The following ARHGEF10 variants were observed in gnomAD, a reference collection of about 807,000 sequenced individuals.
ARHGEF10 encodes the protein Rho guanine nucleotide exchange factor (GEF) 10.
Under a neutral mutation model 147.4 loss-of-function variants are expected in ARHGEF10, and 140 were observed. That is an observed-to-expected ratio of 0.95 (90% confidence interval 0.83 to 1.09). The LOEUF (loss-of-function observed/expected upper bound fraction) is 1.09, where lower values mean the gene tolerates loss of function less well. Ranked by LOEUF, ARHGEF10 falls within the 50% of genes least tolerant of loss-of-function variation. The pLI is 0.00. For missense variants in ARHGEF10, 2,222 were observed against 1,752.7 expected, an observed-to-expected ratio of 1.27 and a Z score of -4.78; for synonymous variants, 902 against 695.8, an observed-to-expected ratio of 1.30 and a Z score of -4.67.
chr8:1,917,758 T>G (rs1204048661), intron 18 of ARHGEF10, among the ~76,000 whole-genome samples: 6 of 152,076 alleles, frequency 3.9e-5, no homozygotes, highest in Non-Finnish European at 7.4e-5. Context: ...TGCAGGTGTT[T>G]CTTTCTTTTT....
intron 1 of ARHGEF10, among the ~76,000 whole-genome samples, chr8:1,825,496 T>TC (rs1393474030): frequency 1.5e-5 from 2 of 135,906 alleles, no homozygotes; most frequent in East Asian, 2.3e-4. Flanking sequence ...ACCCCAGCTG[T>TC]CCCCCCCGTA....
In ARHGEF10 at chr8:1,937,497, G is replaced by A. The variant is rs763180831; in HGVS notation, c.3222+3555G>A. Among the ~76,000 whole-genome samples, 3 of 152,208 alleles carry A rather than the reference G, an allele frequency of 2.0e-5. No homozygotes were observed. The highest frequency in any genetic ancestry group is 2.4e-5 in the African/African-American group (1 of 41,460). On this transcript the variant is annotated intron_variant, in intron 26 of 28. Transcript: ENST00000349830. The surrounding 1 kb of genome is among the most constrained non-coding windows in gnomAD (Gnocchi z 4.9). ...TTGTAATTTATATGCTGTAAATCTC[G>A]AAGACTCAGAGAGAAGCAATGTGTT...
At chr8:1,890,386 GAGACACTGAATTGGGTGAGGGTTGTGAGA>G (rs1486206098) in intron 11 of ARHGEF10, among the ~76,000 whole-genome samples, 8 of 150,648 alleles carry the variant, frequency 5.3e-5, no homozygotes, top group African/African-American at 2.0e-4. Context: ...AGTCTGTGAG[GAGACACTGAATTGGGTGAGGGTTGTGAGA>G]AGACACTGAA....
chr8:1,878,621 C>T (rs775404295), intron 8 of ARHGEF10, among the ~76,000 whole-genome samples: 11 of 152,012 alleles, frequency 7.2e-5, no homozygotes, highest in Admixed American at 4.6e-4. Flanking sequence ...GTGTGTGCCT[C>T]GGAGCGTGGG....
chr8:1,861,815 G>A (rs1007547304), intron 4 of ARHGEF10, among the ~76,000 whole-genome samples: 2 of 152,202 alleles, frequency 1.3e-5, no homozygotes, highest in Admixed American at 6.5e-5. Context: ...GAACCCCCTG[G>A]AAATGAGGGC....
At chr8:1,920,097 T>A (rs1417048580) in intron 18 of ARHGEF10, among the ~76,000 whole-genome samples, 1 of 151,994 alleles carries the variant, frequency 6.6e-6, no homozygotes, top group African/African-American at 2.4e-5. Flanking sequence ...GTTCTGTGGG[T>A]GATGGAGCTG....
chr8:1,867,473 A>G (rs12674789), intron 6 of ARHGEF10, among the ~76,000 whole-genome samples: 21,625 of 152,174 alleles, frequency 0.14, 2,054 homozygotes, highest in East Asian at 0.36. Flanking sequence ...AAGAATTCCA[A>G]ACTCTATTTT....
rs929996889 is a variant in ARHGEF10, at chr8:1,882,672, A to G, written c.998A>G (p.Lys333Arg). The change falls in exon 10 of 29, where the codon AAG becomes AGG. Residue 333 changes from lysine to arginine, a missense_variant. Physicochemically the swap from Lys to Arg is conservative, Grantham distance 26 (BLOSUM62 2). Coordinates refer to ENST00000349830, the MANE Select transcript of ARHGEF10 (RefSeq NM_014629.4). ...GTGAAGGCCGCGAAGGACGGCACCA[A>G]GGACGGGCTGGAGAGGACCAGGGCA... The part of the protein sequence containing the change: ...KLVKAAKDGT[K>R]DGLERTRAAV... 1.3e-6 allele frequency: 2 copies of G among 1,556,500 alleles called. No individual in the cohort carries two copies. Among genetic ancestry groups the G allele is most frequent in the Non-Finnish European group, 1.7e-6 (2 of 1,149,432 alleles).
At chr8:1,894,901 C>T (rs1397253004) in intron 13 of ARHGEF10, among the ~76,000 whole-genome samples, 6 of 152,136 alleles carry the variant, frequency 3.9e-5, no homozygotes, top group South Asian at 2.1e-4. Context: ...ACAAGGATGC[C>T]GTGTGTTTGG....
At chr8:1,909,884 T>C (rs1178323258) in intron 18 of ARHGEF10, among the ~76,000 whole-genome samples, 1 of 152,202 alleles carries the variant, frequency 6.6e-6, no homozygotes. Context: ...GCTCACCTGC[T>C]CACACTGCTG....
rs563998706 is a variant in ARHGEF10, at chr8:1,842,867, C to T, written c.-47-486C>T. 1.3e-4 allele frequency among the ~76,000 whole-genome samples: 20 copies of T among 152,338 alleles called. No individual in the cohort carries two copies. The South Asian group carries it at 3.7e-3, about 28-fold the overall frequency. On this transcript the variant is annotated intron_variant, in intron 1 of 28. Transcript: ENST00000349830. The stretch of plus-strand genomic sequence containing the variant: ...CAGCCTCGCCCCGAGAGGTTAGCCA[C>T]ATGCTTACCAAAAGGAGTGGAGAGG...
chr8:1,901,908 G>T (rs1275619520), intron 15 of ARHGEF10, among the ~76,000 whole-genome samples: 17 of 152,212 alleles, frequency 1.1e-4, no homozygotes, highest in Admixed American at 1.1e-3. Context: ...GGTTTAAAAA[G>T]ATAAGCACGC....
chr8:1,909,231 A>AATCTCACT, intron 17 of ARHGEF10, 64 bp from the exon 18 acceptor site: 1 of 1,605,542 alleles, frequency 6.2e-7, no homozygotes. Context: ...CATCTGAGGG[A>AATCTCACT]TGAACATTAC....
chr8:1,935,850 TG>T (rs1028909364), intron 26 of ARHGEF10, among the ~76,000 whole-genome samples: 2 of 152,188 alleles, frequency 1.3e-5, no homozygotes, highest in Non-Finnish European at 2.9e-5. Flanking sequence ...AAACTCTCCT[TG>T]TGGGTGTTCC....
chr8:1,832,121 C>T (rs940835489), intron 1 of ARHGEF10, among the ~76,000 whole-genome samples: 3 of 152,152 alleles, frequency 2.0e-5, no homozygotes, highest in African/African-American at 4.8e-5. Flanking sequence ...TCCTGTGGCC[C>T]CGCTCTGCTG....
intron 7 of ARHGEF10, among the ~76,000 whole-genome samples, chr8:1,875,197 G>A (rs1807582427): frequency 8.0e-6 from 1 of 125,500 alleles, no homozygotes; most frequent in African/African-American, 3.1e-5. Flanking sequence ...ACGGGGCTGT[G>A]TCGGGGATAG....
chr8:1,956,931 G>C lies in ARHGEF10; in HGVS notation c.3703G>C (p.Gly1235Arg), dbSNP rs1204142284. Residue 1235 changes from glycine (G) to arginine (R), a missense_variant, in exon 29 of 29, where the codon GGT becomes CGT. Coordinates refer to ENST00000349830, the MANE Select transcript of ARHGEF10 (RefSeq NM_014629.4). ...AGGAGCTGGTTCATCTCTGAGCCAG[G>C]GTGACCCTGACGCAGCCATCTGGTT... ...SGGAGSSLSQGDPDAAIWLGD... is the reference protein window; with the variant it reads ...SGGAGSSLSQRDPDAAIWLGD... 1.9e-6 allele frequency: 3 copies of C among 1,614,184 alleles called. No homozygotes were observed. Among genetic ancestry groups the C allele is most frequent in the Non-Finnish European group, 2.5e-6 (3 of 1,180,034 alleles).
At position 1,948,277 on chromosome 8, in the gene ARHGEF10, C is replaced by T. The variant is rs1563328809; in HGVS notation, c.3397+2622C>T. 2.0e-5 allele frequency among the ~76,000 whole-genome samples: 3 copies of T among 152,060 alleles called. No individual in the cohort carries two copies. The highest frequency in any genetic ancestry group is 2.1e-4 in the South Asian group (1 of 4,812). ...TGCTCTCAGCCCCCTGCTCCGGGGG[C>T]CCCTGAATCGTGGGTCTTTACTTAT... On this transcript the variant is annotated intron_variant, in intron 27 of 28. Transcript: ENST00000349830. This position sits in a 1 kb window ranked among gnomAD's most constrained non-coding sequence, Gnocchi z 4.9.
At chr8:1,903,228 T>G in intron 15 of ARHGEF10, 53 bp from the exon 16 acceptor site, 1 of 1,604,794 alleles carries the variant, frequency 6.2e-7, no homozygotes, top group Non-Finnish European at 8.5e-7. Flanking sequence ...CGACTGTTGT[T>G]GCACTGGGAG....
Sources: gnomAD v4.1 joint callset for allele counts (sites outside exome capture counted in the v4.1 genomes callset) on GRCh38, gnomAD v4.1.1 for gene constraint, Gnocchi (gnomAD v3.1) non-coding constraint, MANE v1.5 for transcripts, NCBI Gene and HGNC (gene_info 2026-07-23, HGNC 2026-07-21) for gene names.